The following ATP2B2 variants were observed in gnomAD, a reference collection of about 807,000 sequenced individuals.
ATP2B2 encodes ATPase plasma membrane Ca2+ transporting 2, also known as plasma membrane calcium-transporting ATPase 2.
A neutral mutation model predicts 120.0 loss-of-function variants in ATP2B2; 15 were observed. That is an observed-to-expected ratio of 0.12 (90% CI 0.08 to 0.19). ATP2B2 has a LOEUF of 0.19. Among genes scored for constraint, ATP2B2 ranks in the 10% least tolerant of loss-of-function variants. The pLI is 1.00. For synonymous variants in ATP2B2, 694 were observed against 700.3 expected, an observed-to-expected ratio of 0.99 and a Z score of 0.14; for missense variants, 1,045 against 1,719.8, an observed-to-expected ratio of 0.61 and a Z score of 6.94.
At chr3:10,671,992 A>C (rs565314966) in intron 1 of ATP2B2, among the ~76,000 whole-genome samples, 2 of 152,358 alleles carry the variant, frequency 1.3e-5, no homozygotes, top group East Asian at 1.9e-4. Context: ...CCTGAGTTAC[A>C]TAGTAATATT....
At chr3:10,374,349 A>C (rs2061325465) in intron 11 of ATP2B2, among the ~76,000 whole-genome samples, 1 of 152,162 alleles carries the variant, frequency 6.6e-6, no homozygotes, top group African/African-American at 2.4e-5. Context: ...AAACAGGAAG[A>C]CGATAAGGGC....
intron 7 of ATP2B2, among the ~76,000 whole-genome samples, chr3:10,385,980 T>C (rs1378027428): frequency 6.6e-6 from 1 of 152,258 alleles, no homozygotes; most frequent in Non-Finnish European, 1.5e-5. Flanking sequence ...GAAAAGGCAC[T>C]AGTGAATTTT....
chr3:10,348,057 G>A (rs3774193), intron 16 of ATP2B2, among the ~76,000 whole-genome samples: 2 of 151,824 alleles, frequency 1.3e-5, no homozygotes, highest in African/African-American at 2.4e-5. Context: ...ACCATCACTC[G>A]GGCAGCTCTT....
At chr3:10,662,612 A>G (rs1409912582) in intron 1 of ATP2B2, among the ~76,000 whole-genome samples, 1 of 151,686 alleles carries the variant, frequency 6.6e-6, no homozygotes, top group African/African-American at 2.4e-5. Flanking sequence ...GAGAGGATGT[A>G]GAGAAATAGG....
chr3:10,677,630 T>C (rs1481558660), intron 1 of ATP2B2, among the ~76,000 whole-genome samples: 1 of 152,188 alleles, frequency 6.6e-6, no homozygotes, highest in Middle Eastern at 3.2e-3. Flanking sequence ...GGATGTTGTT[T>C]GATGGGGAGG....
chr3:10,617,933 C>T (rs916230786), intron 2 of ATP2B2, among the ~76,000 whole-genome samples: 2 of 151,978 alleles, frequency 1.3e-5, no homozygotes, highest in African/African-American at 2.4e-5. Flanking sequence ...AAACCCTTAT[C>T]GCTGTGTTGA....
intron 3 of ATP2B2, among the ~76,000 whole-genome samples, chr3:10,527,051 A>G (rs979101115): frequency 6.6e-6 from 1 of 152,206 alleles, no homozygotes; most frequent in African/African-American, 2.4e-5. Context: ...CTTCCCAGCT[A>G]AACCGTTTGC....
intron 22 of ATP2B2, 111 bp downstream of exon 22, chr3:10,338,065 C>T: frequency 6.9e-7 from 1 of 1,452,466 alleles, no homozygotes. Flanking sequence ...TCTGTAGCCA[C>T]CCTCCCTCAG....
chr3:10,420,610 C>T (rs2062944171), intron 2 of ATP2B2, among the ~76,000 whole-genome samples: 1 of 152,234 alleles, frequency 6.6e-6, no homozygotes, highest in African/African-American at 2.4e-5. Context: ...GATCCACCCG[C>T]CTTGGCCTCC....
rs181857136 is a variant in ATP2B2 at position 10,494,257 on chromosome 3, G to C, written c.-320+11208C>G. ...CCCACGACTGCTGCTACCACTGATA[G>C]CTGATTTTTTCATAGAGATTCCCTT... On this transcript the variant is annotated intron_variant, in intron 1 of 22. Coordinates refer to ENST00000360273, the MANE Select transcript of ATP2B2 (RefSeq NM_001001331.4). Among the ~76,000 whole-genome samples, 100 of 152,234 alleles carry C rather than the reference G, an allele frequency of 6.6e-4. 1 individual carries two copies. The highest frequency in any genetic ancestry group is 1.1e-3 in the Non-Finnish European group (78 of 68,032).
At chr3:10,677,981 G>A (rs899581762) in intron 1 of ATP2B2, among the ~76,000 whole-genome samples, 2 of 152,034 alleles carry the variant, frequency 1.3e-5, no homozygotes, top group African/African-American at 4.8e-5. Flanking sequence ...TTACAGATGA[G>A]AAAACTAAGG....
chr3:10,394,594 C>T (rs1454401733), intron 5 of ATP2B2: 9 of 453,858 alleles, frequency 2.0e-5, no homozygotes, highest in East Asian at 7.2e-5. Flanking sequence ...TCTGCAGTCA[C>T]GGTGTCGTCC....
chr3:10,329,021 G>C lies in ATP2B2; in HGVS notation c.3525C>G (p.Ile1175Met), dbSNP rs766773779. ...GGGGGATGTGGGGCTGGGAATCTTC[G>C]ATCCGGAATTCAGGATGAGCCATGA... ...HNFMAHPEFR[I>M]EDSQPHIPLI... Residue 1175 changes from isoleucine to methionine, a missense_variant, in exon 23 of 23, where the codon ATC (isoleucine) becomes ATG (methionine). By Grantham distance (10) the Ile-to-Met change is conservative. Around this residue, in one of 11 missense-constraint regions of ATP2B2, gnomAD observed 211 missense variants for 385.1 expected, o/e 0.55. Coordinates refer to ENST00000360273, the MANE Select transcript of ATP2B2 (RefSeq NM_001001331.4). This position sits in a 1 kb window ranked among gnomAD's most constrained non-coding sequence, Gnocchi z 5.9. 29 of 1,613,976 alleles carry C rather than the reference G, an allele frequency of 1.8e-5. No homozygotes were observed. Among genetic ancestry groups the C allele is most frequent in the Non-Finnish European group, 1.4e-5 (16 of 1,180,026 alleles).
intron 2 of ATP2B2, among the ~76,000 whole-genome samples, chr3:10,439,848 C>T (rs995903974): frequency 1.3e-4 from 14 of 111,760 alleles, no homozygotes; most frequent in African/African-American, 2.2e-4. Flanking sequence ...CTTTGCCTCC[C>T]GGGTTCAAGT....
At chr3:10,459,152 G>T (rs866191194) in intron 1 of ATP2B2, among the ~76,000 whole-genome samples, 1 of 152,234 alleles carries the variant, frequency 6.6e-6, no homozygotes, top group African/African-American at 2.4e-5. Context: ...TGACCTGACC[G>T]GAATTCACCT....
intron 2 of ATP2B2, among the ~76,000 whole-genome samples, chr3:10,611,218 C>A (rs2069228573): frequency 6.6e-6 from 1 of 152,168 alleles, no homozygotes; most frequent in Non-Finnish European, 1.5e-5. Flanking sequence ...ATGCTGTCTC[C>A]CCACATGTTG....
At chr3:10,511,239 C>A (rs1250580021) in intron 3 of ATP2B2, among the ~76,000 whole-genome samples, 1 of 152,172 alleles carries the variant, frequency 6.6e-6, no homozygotes. Context: ...GCCCCTCCTC[C>A]ATGAAGCCTT....
In ATP2B2 at chr3:10,449,701, G is replaced by A. The variant is rs570645487; in HGVS notation, c.-158C>T. 3.6e-6 allele frequency: 3 copies of A among 827,856 alleles called. No individual in the cohort carries two copies. Among genetic ancestry groups the A allele is most frequent in the South Asian group, 2.9e-5 (2 of 69,450 alleles). The allele number at this position is 827,856 out of a possible 1,614,324, so 51.3% of individuals were successfully genotyped here. A position where few individuals can be genotyped will look rare whatever the true frequency, so the allele number is the denominator to read the frequency against. On this transcript the variant is annotated 5_prime_UTR_variant, in exon 2 of 23. Coordinates refer to ENST00000360273, the MANE Select transcript of ATP2B2 (RefSeq NM_001001331.4). ...GTCCCGGGGGGTGGGGGTGGCCGAG[G>A]CGGGCTGGTGACAGTGGTGGTGAGC...
intron 1 of ATP2B2, among the ~76,000 whole-genome samples, chr3:10,628,520 C>T (rs1327198304): frequency 6.6e-6 from 1 of 152,230 alleles, no homozygotes; most frequent in African/African-American, 2.4e-5. Context: ...CAACAACAGC[C>T]CTACACCCGG....
Sources: allele counts gnomAD v4.1 joint callset (sites outside exome capture counted in the v4.1 genomes callset), GRCh38; gene constraint gnomAD v4.1.1; regional missense constraint gnomAD v4.1.1; non-coding constraint Gnocchi (gnomAD v3.1); transcripts MANE v1.5; gene names NCBI Gene and HGNC (gene_info 2026-07-23, HGNC 2026-07-21).